The following ERC2 variants were observed in gnomAD, a reference collection of about 807,000 sequenced individuals.
ERC2 encodes the protein ERC protein 2.
A neutral mutation model predicts 114.8 loss-of-function variants in ERC2; 42 were observed. That is an observed-to-expected ratio of 0.37 (90% CI 0.29 to 0.47). The LOEUF (loss-of-function observed/expected upper bound fraction) is 0.47. Ranked by LOEUF, ERC2 falls within the 20% of genes least tolerant of loss-of-function variation. ERC2 has a pLI of 0.99. For missense variants in ERC2, 939 were observed against 1,150.7 expected, an observed-to-expected ratio of 0.82 and a Z score of 2.66; for synonymous variants, 454 against 425.5, an observed-to-expected ratio of 1.07 and a Z score of -0.82.
chr3:55,881,678 G>A (rs940946583), intron 14 of ERC2, among the ~76,000 whole-genome samples: 1 of 152,030 alleles, frequency 6.6e-6, no homozygotes, highest in African/African-American at 2.4e-5. Flanking sequence ...AACTCCACCT[G>A]CCATAAATTA....
chr3:55,944,147 T>C (rs2066985116), intron 13 of ERC2, among the ~76,000 whole-genome samples: 1 of 152,206 alleles, frequency 6.6e-6, no homozygotes, highest in Non-Finnish European at 1.5e-5. Flanking sequence ...CCCCAAGGCT[T>C]GTCATTTCAA....
At chr3:56,038,627 C>T (rs556848198) in intron 7 of ERC2, among the ~76,000 whole-genome samples, 96 of 152,124 alleles carry the variant, frequency 6.3e-4, no homozygotes, top group African/African-American at 1.3e-3. Context: ...TAAATATATA[C>T]GCATGTGTAT....
chr3:55,539,916 T>A (rs929143000), intron 17 of ERC2, among the ~76,000 whole-genome samples: 1 of 142,968 alleles, frequency 7.0e-6, no homozygotes, highest in Admixed American at 7.8e-5. Flanking sequence ...ATTTAATATA[T>A]CCTGTGGGGA....
chr3:55,698,429 C>T (rs186007920), intron 16 of ERC2, among the ~76,000 whole-genome samples: 99 of 152,218 alleles, frequency 6.5e-4, no homozygotes, highest in East Asian at 4.6e-3. Context: ...AACAGAGCCA[C>T]GTGAAAAGTT....
chr3:56,145,437 G>T (rs1463265625), intron 5 of ERC2, among the ~76,000 whole-genome samples: 1 of 152,156 alleles, frequency 6.6e-6, no homozygotes, highest in Non-Finnish European at 1.5e-5. Context: ...TATGTATTTG[G>T]TATGTTCCAT....
intron 1 of ERC2, among the ~76,000 whole-genome samples, chr3:56,458,408 A>G (rs2063161058): frequency 6.6e-6 from 1 of 152,204 alleles, no homozygotes; most frequent in Non-Finnish European, 1.5e-5. Flanking sequence ...TCTGCTCTGA[A>G]GTTATTCTAA....
intron 14 of ERC2, among the ~76,000 whole-genome samples, chr3:55,762,744 T>C (rs2067532276): frequency 1.3e-5 from 2 of 151,584 alleles, no homozygotes; most frequent in Non-Finnish European, 2.9e-5. Context: ...AAAAGCAGAG[T>C]CAAACTGGGG....
chr3:56,102,779 C>A (rs549999331), intron 6 of ERC2, among the ~76,000 whole-genome samples: 52 of 152,136 alleles, frequency 3.4e-4, no homozygotes, highest in Non-Finnish European at 6.6e-4. Flanking sequence ...CTTCTTGAAC[C>A]CACTGATGTT....
At chr3:55,548,114 C>T (rs1307470147) in intron 17 of ERC2, among the ~76,000 whole-genome samples, 2 of 152,330 alleles carry the variant, frequency 1.3e-5, no homozygotes, top group Non-Finnish European at 1.5e-5. Flanking sequence ...AAATAAAAAT[C>T]ACAAGGATTT....
At chr3:55,726,046 C>T (rs928001455) in intron 15 of ERC2, among the ~76,000 whole-genome samples, 6 of 152,146 alleles carry the variant, frequency 3.9e-5, no homozygotes, top group Admixed American at 6.5e-5. Flanking sequence ...CTGAGTATTT[C>T]TTTTTTTATT....
intron 3 of ERC2, among the ~76,000 whole-genome samples, chr3:56,178,040 C>T (rs1276826278): frequency 6.6e-6 from 1 of 152,158 alleles, no homozygotes; most frequent in Non-Finnish European, 1.5e-5. Context: ...AAATTGCTAG[C>T]TCCTTCAGCT....
intron 13 of ERC2, among the ~76,000 whole-genome samples, chr3:55,897,769 T>C (rs1039808817): frequency 1.3e-5 from 2 of 152,204 alleles, no homozygotes; most frequent in African/African-American, 2.4e-5. Flanking sequence ...GACATTTCTA[T>C]CTCTTCCTCC....
chr3:55,630,927 AG>A (rs1398977512), intron 17 of ERC2, among the ~76,000 whole-genome samples: 2 of 151,810 alleles, frequency 1.3e-5, no homozygotes, highest in Non-Finnish European at 2.9e-5. Flanking sequence ...ATAAGAAAGA[AG>A]GAATCATGGC....
chr3:55,929,958 G>T (rs2065976177), intron 13 of ERC2, among the ~76,000 whole-genome samples: 1 of 152,102 alleles, frequency 6.6e-6, no homozygotes, highest in Non-Finnish European at 1.5e-5. Context: ...ACTCAGTCTT[G>T]GCTGGACACC....
chr3:56,203,338 T>G (rs2150101350), intron 3 of ERC2, among the ~76,000 whole-genome samples: 1 of 152,346 alleles, frequency 6.6e-6, no homozygotes, highest in South Asian at 2.1e-4. Flanking sequence ...GACCGGATTT[T>G]TCGTCCACTT....
intron 2 of ERC2, among the ~76,000 whole-genome samples, chr3:56,433,103 G>A (rs993694476): frequency 1.3e-5 from 2 of 151,572 alleles, no homozygotes; most frequent in East Asian, 3.9e-4. Context: ...CATTTGAGCC[G>A]GGAAGTCAAG....
chr3:55,707,235 A>C lies in ERC2; in HGVS notation c.2713-7723T>G, dbSNP rs541695988. Among the ~76,000 whole-genome samples the C allele has an allele frequency of 7.4e-4, 113 of 152,196 alleles. 2 individuals carry two copies. The highest frequency in any genetic ancestry group is 5.8e-3 in the South Asian group (28 of 4,824). On this transcript the variant is annotated intron_variant, in intron 15 of 17. Coordinates refer to ENST00000288221, the MANE Select transcript of ERC2 (RefSeq NM_015576.3). ...GGTGGCTTGAGCTCGGGAGTTAGAA[A>C]CCAGCTTGGGCAACATAGTGAAACC...
intron 7 of ERC2, among the ~76,000 whole-genome samples, chr3:56,040,525 A>C (rs2075066353): frequency 8.4e-6 from 1 of 118,532 alleles, no homozygotes; most frequent in Non-Finnish European, 1.9e-5. Context: ...CTCTAAGGGG[A>C]GATATATAGA....
At position 55,992,061 on chromosome 3, in the gene ERC2, C is replaced by G; in HGVS notation, c.2251G>C (p.Glu751Gln). 6.2e-7 allele frequency: 1 copy of G among 1,612,940 alleles called. No homozygotes were observed. Among genetic ancestry groups the G allele is most frequent in the Non-Finnish European group, 8.5e-7 (1 of 1,179,454 alleles). Residue 751 changes from glutamate to glutamine, a missense_variant, in exon 11 of 18, where the codon GAG (glutamate) becomes CAG (glutamine). Physicochemically the swap from Glu to Gln is conservative, Grantham distance 29. Coordinates refer to ENST00000288221, the MANE Select transcript of ERC2 (RefSeq NM_015576.3). ...NDKDKKIAELESLTLRHMKDQ... is the reference protein window; with the variant it reads ...NDKDKKIAELQSLTLRHMKDQ... ...TTATATAACTGTAAAATTTACCTCT[C>G]CAGTTCTGCGATCTTCTTGTCCTTG...
Sources: gnomAD v4.1 joint callset for allele counts (sites outside exome capture counted in the v4.1 genomes callset) on GRCh38, gnomAD v4.1.1 for gene constraint, MANE v1.5 for transcripts, NCBI Gene and HGNC (gene_info 2026-07-23, HGNC 2026-07-21) for gene names.